RBFOX1: variants seen among roughly 807,000 people sequenced by gnomAD.
The protein encoded by RBFOX1 is RNA binding fox-1 homolog 1.
Under a neutral mutation model 57.7 loss-of-function variants are expected in RBFOX1, and 8 were observed. That is an observed-to-expected ratio of 0.14 (90% CI 0.08 to 0.25). The LOEUF is 0.25. Ranked by LOEUF, RBFOX1 falls within the 10% of genes least tolerant of loss-of-function variation. The pLI is 1.00. For missense variants in RBFOX1, 611 were observed against 548.5 expected, an observed-to-expected ratio of 1.11 and a Z score of -1.14; for synonymous variants, 326 against 222.4, an observed-to-expected ratio of 1.47 and a Z score of -4.15.
In RBFOX1 at chr16:5,569,219, C is replaced by T. The variant is rs1212543552; in HGVS notation, c.259-29683C>T. 3.9e-5 allele frequency among the ~76,000 whole-genome samples: 6 copies of T among 151,988 alleles called. No individual in the cohort carries two copies. The East Asian group carries it at 1.2e-3, about 30-fold the overall frequency. On this transcript the variant is annotated intron_variant, in intron 2 of 2. Transcript: ENST00000585867. ...TCCTAAAGTCAGGGCATTGGTGGAG[C>T]CGGGTAAAATGTCTCCAAGGGACTG...
intron 4 of RBFOX1, among the ~76,000 whole-genome samples, chr16:5,901,229 C>G (rs2058298363): frequency 6.6e-6 from 1 of 152,190 alleles, no homozygotes; most frequent in Non-Finnish European, 1.5e-5. Flanking sequence ...TATCCATCTC[C>G]TCATCCCCCG....
intron 3 of RBFOX1, among the ~76,000 whole-genome samples, chr16:6,997,977 G>A (rs908977702): frequency 6.6e-6 from 1 of 151,108 alleles, no homozygotes. Flanking sequence ...AAACAGCTTG[G>A]CAGTCCTAGC....
chr16:7,098,331 G>C (rs1360986635), intron 4 of RBFOX1, among the ~76,000 whole-genome samples: 1 of 152,054 alleles, frequency 6.6e-6, no homozygotes, highest in Non-Finnish European at 1.5e-5. Flanking sequence ...CGCCATGCCT[G>C]GCTAATTTTT....
chr16:6,947,927 C>A (rs2079891484), intron 3 of RBFOX1, among the ~76,000 whole-genome samples: 1 of 152,066 alleles, frequency 6.6e-6, no homozygotes, highest in African/African-American at 2.4e-5. Flanking sequence ...CAGGCTCAAC[C>A]CACCATGCCC....
intron 2 of RBFOX1, among the ~76,000 whole-genome samples, chr16:6,543,070 C>G (rs1054132594): frequency 6.6e-6 from 1 of 152,088 alleles, no homozygotes; most frequent in African/African-American, 2.4e-5. Flanking sequence ...CAATTTTGAT[C>G]AATAGTTTTG....
intron 4 of RBFOX1, among the ~76,000 whole-genome samples, chr16:5,889,471 G>A (rs2057991270): frequency 6.6e-6 from 1 of 152,164 alleles, no homozygotes; most frequent in Non-Finnish European, 1.5e-5. Context: ...TATCATTGAT[G>A]GGCATTTGGG....
At chr16:6,362,100 C>G (rs2088655397) in intron 2 of RBFOX1, among the ~76,000 whole-genome samples, 1 of 152,086 alleles carries the variant, frequency 6.6e-6, no homozygotes, top group South Asian at 2.1e-4. Flanking sequence ...TAACACATGA[C>G]CTTTCATTAA....
chr16:5,762,355 AGAAAAAAAAAAAAAAC>A (rs1462804611), intron 3 of RBFOX1, among the ~76,000 whole-genome samples: 2 of 14,534 alleles, frequency 1.4e-4, no homozygotes, highest in African/African-American at 9.2e-4. Context: ...ACGAACAAAA[AGAAAAAAAAAAAAAAC>A]GAAGAAAGAA....
At chr16:6,658,367 C>A (rs1285008460) in intron 3 of RBFOX1, among the ~76,000 whole-genome samples, 3 of 151,742 alleles carry the variant, frequency 2.0e-5, no homozygotes, top group Non-Finnish European at 2.9e-5. Context: ...CAGCCTCCTG[C>A]CTGGCTAATT....
intron 2 of RBFOX1, among the ~76,000 whole-genome samples, chr16:5,489,392 A>G (rs2042751786): frequency 6.6e-6 from 1 of 152,218 alleles, no homozygotes; most frequent in Non-Finnish European, 1.5e-5. Context: ...GGGCTCTGAG[A>G]CACTGGTTTA....
At chr16:7,120,052 G>GA (rs1691423561) in intron 4 of RBFOX1, among the ~76,000 whole-genome samples, 2 of 151,784 alleles carry the variant, frequency 1.3e-5, no homozygotes, top group Non-Finnish European at 2.9e-5. Flanking sequence ...AAATAAACTG[G>GA]AAAAAATCTA....
chr16:5,779,826 C>T (rs1205197407), intron 3 of RBFOX1, among the ~76,000 whole-genome samples: 2 of 152,160 alleles, frequency 1.3e-5, no homozygotes, highest in Non-Finnish European at 2.9e-5. Flanking sequence ...CCTAGCTCTC[C>T]GTTTGCCTAC....
chr16:5,572,980 G>A (rs746027123), intron 2 of RBFOX1, among the ~76,000 whole-genome samples: 8 of 152,140 alleles, frequency 5.3e-5, no homozygotes, highest in Non-Finnish European at 8.8e-5. Context: ...GAAGAATGGC[G>A]TGACCTGACC....
At chr16:5,439,421 A>C (rs574080398) in intron 1 of RBFOX1, among the ~76,000 whole-genome samples, 1 of 152,162 alleles carries the variant, frequency 6.6e-6, no homozygotes, top group Admixed American at 6.6e-5. Flanking sequence ...CATCATGGGG[A>C]ATGAAAAGTA....
At chr16:7,047,222 G>A (rs976022322) in intron 3 of RBFOX1, among the ~76,000 whole-genome samples, 3 of 151,862 alleles carry the variant, frequency 2.0e-5, no homozygotes, top group Non-Finnish European at 2.9e-5. Flanking sequence ...TTCCTATAGC[G>A]ATTATTTTAG....
chr16:6,069,843 C>T (rs1213613914), intron 1 of RBFOX1, among the ~76,000 whole-genome samples: 2 of 151,682 alleles, frequency 1.3e-5, no homozygotes, highest in African/African-American at 2.4e-5. Flanking sequence ...AATAATTAGG[C>T]GAGTGTAGTG....
At chr16:6,346,615 T>A (rs1224000649) in intron 2 of RBFOX1, among the ~76,000 whole-genome samples, 1 of 152,240 alleles carries the variant, frequency 6.6e-6, no homozygotes, top group South Asian at 2.1e-4. Flanking sequence ...CTGGTTCCGA[T>A]GGCAGCCTGA....
chr16:6,944,342 C>T lies in RBFOX1; in HGVS notation c.-15-107715C>T, dbSNP rs972293906. On this transcript the variant is annotated intron_variant, in intron 3 of 15. Coordinates refer to ENST00000550418, the MANE Select transcript of RBFOX1 (RefSeq NM_018723.4). ...CCGAAGAGGCGGAGGTTGCAGTGTGCCAAGATTGCGCCGTTGTACTCCAGC... is the reference window on the plus strand; with the variant it reads ...CCGAAGAGGCGGAGGTTGCAGTGTGTCAAGATTGCGCCGTTGTACTCCAGC... Among the ~76,000 whole-genome samples, 4 of 150,454 alleles carry T rather than the reference C, an allele frequency of 2.7e-5. 1 individual carries two copies. The South Asian group carries it at 8.4e-4, about 32-fold the overall frequency.
chr16:7,378,456 G>A (rs889472959), intron 4 of RBFOX1, among the ~76,000 whole-genome samples: 2 of 152,160 alleles, frequency 1.3e-5, no homozygotes, highest in African/African-American at 4.8e-5. Context: ...CAGAACTGCT[G>A]TCTTCCAAGC....
Sources: gnomAD v4.1 joint callset for allele counts (sites outside exome capture counted in the v4.1 genomes callset) on GRCh38, gnomAD v4.1.1 for gene constraint, MANE v1.5 for transcripts, NCBI Gene and HGNC (gene_info 2026-07-23, HGNC 2026-07-21) for gene names.